Variants in SLC16A14 observed in about 807,000 individuals in gnomAD.
The protein encoded by SLC16A14 is monocarboxylate transporter 14.
In SLC16A14, 14 loss-of-function variants were observed where a neutral mutation model predicts 35.8. The observed-to-expected ratio is 0.39, with a 90% CI of 0.26 to 0.61. The LOEUF (loss-of-function observed/expected upper bound fraction) is 0.61. Among genes scored for constraint, SLC16A14 ranks in the 20% least tolerant of loss-of-function variants. The pLI is 0.51. For missense variants in SLC16A14, 533 were observed against 655.0 expected, an observed-to-expected ratio of 0.81 and a Z score of 2.03; for synonymous variants, 248 against 258.9, an observed-to-expected ratio of 0.96 and a Z score of 0.40.
At chr2:230,048,854 C>T (rs565730430) in intron 3 of SLC16A14, among the ~76,000 whole-genome samples, 29 of 128,630 alleles carry the variant, frequency 2.3e-4, no homozygotes, top group South Asian at 1.3e-3. Context: ...ACCCAGGAGG[C>T]GGAGGTTGCA....
At chr2:230,066,905 G>T (rs1249567072) in intron 1 of SLC16A14, 1 of 239,020 alleles carries the variant, frequency 4.2e-6, no homozygotes, top group Non-Finnish European at 8.4e-6. Context: ...GGGATTACAG[G>T]CATGAGCCAC....
intron 4 of SLC16A14, among the ~76,000 whole-genome samples, chr2:230,042,632 T>C (rs543638218): frequency 5.9e-5 from 9 of 152,228 alleles, no homozygotes; most frequent in African/African-American, 1.9e-4. Context: ...CACTACTAGG[T>C]CCCCATACCT....
intron 4 of SLC16A14, among the ~76,000 whole-genome samples, chr2:230,041,922 C>T (rs942003235): frequency 1.6e-4 from 24 of 152,174 alleles, no homozygotes; most frequent in African/African-American, 5.1e-4. Context: ...TGCACATAAA[C>T]GGTGGCTTGC....
At chr2:230,059,469 G>A (rs2077734066) in intron 1 of SLC16A14, 103 bp from the exon 2 acceptor site, 6 of 780,578 alleles carry the variant, frequency 7.7e-6, no homozygotes, top group Non-Finnish European at 1.2e-5. Context: ...AGTGGCTCCA[G>A]TATCACATCT....
chr2:230,054,088 G>T (rs1055804007), intron 2 of SLC16A14, among the ~76,000 whole-genome samples: 1 of 146,364 alleles, frequency 6.8e-6, no homozygotes, highest in Non-Finnish European at 1.5e-5. Context: ...GCCTGAGGTG[G>T]GGGGGGAAGT....
At chr2:230,056,252 G>GTTTT (rs5839355) in intron 2 of SLC16A14, among the ~76,000 whole-genome samples, 5 of 110,030 alleles carry the variant, frequency 4.5e-5, no homozygotes, top group South Asian at 3.0e-4. Context: ...TAATATTGGT[G>GTTTT]TTTTTTTTTT....
At chr2:230,062,026 G>A (rs1042466916) in intron 1 of SLC16A14, among the ~76,000 whole-genome samples, 10 of 152,042 alleles carry the variant, frequency 6.6e-5, no homozygotes, top group African/African-American at 1.9e-4. Context: ...CAGGCATGAA[G>A]CACTCTGCCC....
rs193250720 is a variant in SLC16A14, at chr2:230,052,914, C to A, written c.260-3010G>T. 1.5e-4 allele frequency among the ~76,000 whole-genome samples: 22 copies of A among 149,624 alleles called. No individual in the cohort carries two copies. The East Asian group carries it at 3.5e-3, about 24-fold the overall frequency. Reference sequence around the variant, plus strand: ...CTCTCAGTTTCCTCCCTCCTCCCCCCCTTCCTTCCCTTTCTTTCTCTCTCT... The same window carrying A: ...CTCTCAGTTTCCTCCCTCCTCCCCCACTTCCTTCCCTTTCTTTCTCTCTCT... On this transcript the variant is annotated intron_variant, in intron 2 of 4. Transcript: ENST00000295190.
intron 3 of SLC16A14, among the ~76,000 whole-genome samples, chr2:230,049,103 T>C (rs1007181461): frequency 3.4e-5 from 5 of 148,466 alleles, no homozygotes; most frequent in African/African-American, 1.3e-4. Context: ...AGAGTCTTAC[T>C]CTGTCAACCA....
At chr2:230,056,078 T>C (rs1406074058) in intron 2 of SLC16A14, among the ~76,000 whole-genome samples, 1 of 152,232 alleles carries the variant, frequency 6.6e-6, no homozygotes, top group Non-Finnish European at 1.5e-5. Context: ...AAAAATGATT[T>C]ATCAGTAATT....
At chr2:230,042,276 GGTT>G (rs1352448469) in intron 4 of SLC16A14, among the ~76,000 whole-genome samples, 1 of 152,158 alleles carries the variant, frequency 6.6e-6, no homozygotes, top group African/African-American at 2.4e-5. Flanking sequence ...GATGACTGAG[GGTT>G]GAGTATAACT....
intron 2 of SLC16A14, among the ~76,000 whole-genome samples, chr2:230,051,160 G>GTTTTT (rs900103206): frequency 2.0e-5 from 3 of 152,034 alleles, no homozygotes; most frequent in African/African-American, 7.2e-5. Flanking sequence ...GTTTTGTTTT[G>GTTTTT]TTTTCTTGTT....
At chr2:230,058,079 T>G (rs553022209) in intron 2 of SLC16A14, 1 of 152,186 alleles carries the variant, frequency 6.6e-6, no homozygotes, top group East Asian at 1.9e-4. Context: ...TACTGGACTT[T>G]TATAGTGTTT....
At chr2:230,047,221 A>G (rs892497991) in intron 3 of SLC16A14, among the ~76,000 whole-genome samples, 1 of 152,044 alleles carries the variant, frequency 6.6e-6, no homozygotes, top group African/African-American at 2.4e-5. Context: ...TTCCTCGCCT[A>G]TAACACAAAA....
At position 230,036,487 on chromosome 2, in the gene SLC16A14, C is replaced by T. The variant is rs967849624; in HGVS notation, c.*893G>A. The T allele has an allele frequency of 2.0e-5, 3 of 152,136 alleles. No homozygotes were observed. Among genetic ancestry groups the T allele is most frequent in the African/African-American group, 7.2e-5 (3 of 41,430 alleles). 9.4% of individuals were successfully genotyped at this position (152,136 alleles called of 1,614,324 possible). ...TCCTTGGAGATGATTTAACTATTAACTTTATTTGTCAGTTAGCAATTAGTT... is the reference window on the plus strand; with the variant it reads ...TCCTTGGAGATGATTTAACTATTAATTTTATTTGTCAGTTAGCAATTAGTT... On this transcript the variant is annotated 3_prime_UTR_variant, in exon 5 of 5. Coordinates refer to ENST00000295190, the MANE Select transcript of SLC16A14 (RefSeq NM_152527.5).
In SLC16A14 at chr2:230,059,137, G is replaced by C; in HGVS notation, c.216C>G (p.Thr72=). The C allele has an allele frequency of 6.2e-7, 1 of 1,614,056 alleles. No homozygotes were observed. The highest frequency in any genetic ancestry group is 8.5e-7 in the Non-Finnish European group (1 of 1,179,970). Residue 72 remains threonine (T), a synonymous_variant, in exon 2 of 5, where the codon ACC becomes ACG. Transcript: ENST00000295190. The stretch of plus-strand genomic sequence containing the variant: ...CCATGCTGAGGGAGCTGACCCAGGC[G>C]GTCAGGCCGCGGCTCTGGTGGAATT... ...LEEFHQSRGL[T]AWVSSLSMGI...
chr2:230,058,932 C>T (rs9750739), intron 2 of SLC16A14, 162 bp downstream of exon 2: 1 of 941,896 alleles, frequency 1.1e-6, no homozygotes. Flanking sequence ...CGTGCCTGGC[C>T]TAAAATGGTA....
At chr2:230,049,652 G>T in intron 3 of SLC16A14, 109 bp downstream of exon 3, 1 of 1,185,868 alleles carries the variant, frequency 8.4e-7, no homozygotes, top group Non-Finnish European at 1.2e-6. Context: ...TGGGGGGGAG[G>T]AAACAGAACA....
At chr2:230,061,573 A>G (rs140637907) in intron 1 of SLC16A14, among the ~76,000 whole-genome samples, 2,985 of 152,320 alleles carry the variant, frequency 0.02, 50 homozygotes, top group Admixed American at 0.03. Flanking sequence ...GTCCAGAAAA[A>G]GAACCAGATC....
Sources: allele counts gnomAD v4.1 joint callset (sites outside exome capture counted in the v4.1 genomes callset), GRCh38; gene constraint gnomAD v4.1.1; transcripts MANE v1.5; gene names NCBI Gene and HGNC (gene_info 2026-07-23, HGNC 2026-07-21).